The following GALNT13 variants were observed in gnomAD, a reference collection of about 807,000 sequenced individuals.
The protein encoded by GALNT13 is polypeptide N-acetylgalactosaminyltransferase 13.
GALNT13 carries 28 observed loss-of-function variants against 64.2 expected under a neutral mutation model. The observed-to-expected ratio is 0.44, with a 90% CI of 0.32 to 0.60. GALNT13 has a LOEUF of 0.60. Ranked by LOEUF, GALNT13 falls within the 20% of genes least tolerant of loss-of-function variation. The pLI, the probability that GALNT13 is intolerant of heterozygous loss-of-function variation, is 0.05. For synonymous variants in GALNT13, 214 were observed against 224.6 expected (o/e 0.95, Z 0.42); for missense variants, 577 against 669.8 (o/e 0.86, Z 1.53).
At chr2:153,487,790 A>T in the GALNT13 span, among the ~76,000 whole-genome samples, 5 of 152,206 alleles carry the variant, frequency 3.3e-5, no homozygotes, top group Non-Finnish European at 5.9e-5. Context: ...GTATTTTTGG[A>T]GTATTGACTA....
the GALNT13 span, among the ~76,000 whole-genome samples, chr2:153,523,043 A>ATTTTTTTTTTTTTTTTT: frequency 2.4e-5 from 2 of 83,404 alleles, no homozygotes; most frequent in Non-Finnish European, 4.5e-5. Context: ...TGTGTTTACT[A>ATTTTTTTTTTTTTTTTT]TTTTTTTTTT....
At chr2:153,321,972 T>TGTG in the GALNT13 span, among the ~76,000 whole-genome samples, 4 of 149,206 alleles carry the variant, frequency 2.7e-5, no homozygotes, top group Non-Finnish European at 5.9e-5. Flanking sequence ...GTGTGTAAAG[T>TGTG]TGTGTGTGTG....
At chr2:153,412,548 A>G in the GALNT13 span, among the ~76,000 whole-genome samples, 2 of 152,302 alleles carry the variant, frequency 1.3e-5, no homozygotes, top group East Asian at 1.9e-4. Context: ...CTCAGAAGCC[A>G]GTGGCAAGAC....
chr2:153,829,773 A>T, the GALNT13 span, among the ~76,000 whole-genome samples: 2 of 152,344 alleles, frequency 1.3e-5, no homozygotes, highest in East Asian at 3.9e-4. Flanking sequence ...AAGTTTCAAA[A>T]TTAATATTTT....
At chr2:153,321,444 T>A in the GALNT13 span, among the ~76,000 whole-genome samples, 2 of 152,298 alleles carry the variant, frequency 1.3e-5, no homozygotes, top group East Asian at 1.9e-4. Flanking sequence ...TTAAATAATT[T>A]TCAGTGTAAG....
At chr2:153,951,965 T>C (rs1692217288) in intron 3 of GALNT13, among the ~76,000 whole-genome samples, 1 of 152,264 alleles carries the variant, frequency 6.6e-6, no homozygotes, top group South Asian at 2.1e-4. Context: ...CAATATTAGA[T>C]ACAGACCCAT....
At chr2:153,832,802 C>A in the GALNT13 span, among the ~76,000 whole-genome samples, 3 of 152,120 alleles carry the variant, frequency 2.0e-5, no homozygotes, top group Non-Finnish European at 4.4e-5. Context: ...ATATTTTAGG[C>A]TCTAAAGCCA....
chr2:154,312,145 T>C (rs1290708556), intron 9 of GALNT13, among the ~76,000 whole-genome samples: 2 of 152,146 alleles, frequency 1.3e-5, no homozygotes, highest in Non-Finnish European at 2.9e-5. Flanking sequence ...GTGATAAGTG[T>C]CCATGAAATC....
the GALNT13 span, among the ~76,000 whole-genome samples, chr2:153,854,957 G>A: frequency 6.6e-6 from 1 of 152,078 alleles, no homozygotes; most frequent in African/African-American, 2.4e-5. Flanking sequence ...AGCATAGAAA[G>A]TTGATATTGT....
chr2:154,363,694 T>C (rs1356648433), intron 9 of GALNT13, among the ~76,000 whole-genome samples: 1 of 152,218 alleles, frequency 6.6e-6, no homozygotes, highest in Non-Finnish European at 1.5e-5. Flanking sequence ...TTGGAATAAA[T>C]ATAAAAGATA....
chr2:154,000,263 A>C (rs1212969626), intron 3 of GALNT13, among the ~76,000 whole-genome samples: 1 of 151,300 alleles, frequency 6.6e-6, no homozygotes, highest in Non-Finnish European at 1.5e-5. Context: ...TTCAAAAAAT[A>C]ACACTGTTCA....
chr2:153,807,974 G>A, the GALNT13 span, among the ~76,000 whole-genome samples: 2 of 152,084 alleles, frequency 1.3e-5, no homozygotes, highest in Non-Finnish European at 2.9e-5. Context: ...TTACTAACCT[G>A]AAACCACTTT....
chr2:153,086,403 C>A, the GALNT13 span, among the ~76,000 whole-genome samples: 2 of 152,112 alleles, frequency 1.3e-5, no homozygotes, highest in Non-Finnish European at 2.9e-5. Flanking sequence ...TGTAATAATT[C>A]CCATGTGCCA....
chr2:154,156,133 T>G (rs1198723352), intron 4 of GALNT13, among the ~76,000 whole-genome samples: 2 of 151,974 alleles, frequency 1.3e-5, no homozygotes, highest in South Asian at 4.1e-4. Flanking sequence ...GACTTTCTGG[T>G]TATATTTGAC....
At chr2:153,205,238 C>T in the GALNT13 span, among the ~76,000 whole-genome samples, 1 of 150,476 alleles carries the variant, frequency 6.6e-6, no homozygotes. Context: ...AAACCTCAAC[C>T]AAGGGAGTGA....
chr2:153,307,011 C>G, the GALNT13 span, among the ~76,000 whole-genome samples: 1 of 152,232 alleles, frequency 6.6e-6, no homozygotes, highest in African/African-American at 2.4e-5. Flanking sequence ...GCTGAAATTA[C>G]AGGCATGAGC....
chr2:153,262,248 T>A, the GALNT13 span, among the ~76,000 whole-genome samples: 1 of 152,200 alleles, frequency 6.6e-6, no homozygotes, highest in Non-Finnish European at 1.5e-5. Flanking sequence ...TTGCTGATTG[T>A]TCAGGGACAA....
At chr2:153,871,847 G>A (rs1685963530), upstream of GALNT13, 1 of 150,700 alleles carries the variant, frequency 6.6e-6, no homozygotes, top group Admixed American at 6.6e-5. Context: ...TACGAGAGGA[G>A]GAGGGACCAC....
the GALNT13 span, among the ~76,000 whole-genome samples, chr2:153,746,688 G>A: frequency 6.6e-6 from 1 of 152,094 alleles, no homozygotes; most frequent in Admixed American, 6.6e-5. Flanking sequence ...TTAAATTTTA[G>A]TGGAAGCTGC....
Sources: gnomAD v4.1 joint callset for allele counts (sites outside exome capture counted in the v4.1 genomes callset) on GRCh38, gnomAD v4.1.1 for gene constraint, MANE v1.5 for transcripts, NCBI Gene and HGNC (gene_info 2026-07-23, HGNC 2026-07-21) for gene names.